The following NCKAP5 variants were observed in gnomAD, a reference collection of about 807,000 sequenced individuals.
NCKAP5 encodes NCK associated protein 5, also known as nck-associated protein 5.
Under a neutral mutation model 167.0 loss-of-function variants are expected in NCKAP5, and 92 were observed. That is an observed-to-expected ratio of 0.55 (90% CI 0.47 to 0.66). The LOEUF is 0.66. Among genes scored for constraint, NCKAP5 ranks in the 30% least tolerant of loss-of-function variants. The pLI, the probability that NCKAP5 is intolerant of heterozygous loss-of-function variation, is 0.00. For missense variants in NCKAP5, 2,378 were observed against 2,315.0 expected (o/e 1.03, Z -0.56); for synonymous variants, 891 against 877.4 (o/e 1.02, Z -0.27).
intron 12 of NCKAP5, 70 bp downstream of exon 12, chr2:132,796,558 G>A (rs1024917323): frequency 9.3e-7 from 1 of 1,070,466 alleles, no homozygotes; most frequent in African/African-American, 1.6e-5. Context: ...TGGTTCGCTT[G>A]TGACATCATA....
intron 3 of NCKAP5, among the ~76,000 whole-genome samples, chr2:133,355,217 C>T (rs1227240352): frequency 6.6e-6 from 1 of 152,098 alleles, no homozygotes; most frequent in East Asian, 1.9e-4. Flanking sequence ...GTAGCCATTG[C>T]CCTAAAGAAA....
At chr2:132,997,386 G>A (rs1346950683) in intron 6 of NCKAP5, among the ~76,000 whole-genome samples, 1 of 152,150 alleles carries the variant, frequency 6.6e-6, no homozygotes. Flanking sequence ...AGCTGAGAAA[G>A]CAGAAGCTGT....
chr2:132,861,224 A>C (rs1689885224), intron 10 of NCKAP5, among the ~76,000 whole-genome samples: 1 of 152,114 alleles, frequency 6.6e-6, no homozygotes, highest in Admixed American at 6.5e-5. Flanking sequence ...GTGCTGGGTA[A>C]GAAGCACACT....
chr2:133,000,238 T>C (rs1056505558), intron 6 of NCKAP5, among the ~76,000 whole-genome samples: 18 of 152,276 alleles, frequency 1.2e-4, no homozygotes, highest in Admixed American at 7.9e-4. Context: ...CTTTGAGAAA[T>C]TGTGTCGATT....
At chr2:133,351,447 T>C (rs1275523655) in intron 3 of NCKAP5, among the ~76,000 whole-genome samples, 1 of 152,142 alleles carries the variant, frequency 6.6e-6, no homozygotes, top group African/African-American at 2.4e-5. Flanking sequence ...ATAGTGTTAA[T>C]AATAAAGTCA....
At chr2:133,562,365 A>G (rs1329804224) in intron 1 of NCKAP5, among the ~76,000 whole-genome samples, 2 of 152,186 alleles carry the variant, frequency 1.3e-5, no homozygotes, top group African/African-American at 4.8e-5. Flanking sequence ...ATTTATGAGC[A>G]TGTATTACTT....
intron 19 of NCKAP5, among the ~76,000 whole-genome samples, chr2:132,679,792 C>G (rs113622340): frequency 2.0e-5 from 3 of 152,220 alleles, no homozygotes; most frequent in African/African-American, 7.2e-5. Context: ...AAGATGGATT[C>G]AGGGAAGAGT....
intron 8 of NCKAP5, among the ~76,000 whole-genome samples, chr2:132,946,020 C>G (rs532081804): frequency 6.6e-6 from 1 of 152,278 alleles, no homozygotes; most frequent in African/African-American, 2.4e-5. Flanking sequence ...AATTCATATT[C>G]GTGTGATATT....
chr2:132,958,794 G>C (rs1434090408), intron 8 of NCKAP5, among the ~76,000 whole-genome samples: 1 of 151,882 alleles, frequency 6.6e-6, no homozygotes, highest in Non-Finnish European at 1.5e-5. Flanking sequence ...CACACAAATG[G>C]CTGATGTCAG....
intron 5 of NCKAP5, among the ~76,000 whole-genome samples, chr2:133,154,366 C>T (rs569464031): frequency 6.6e-6 from 1 of 152,154 alleles, no homozygotes. Flanking sequence ...CTTAAAGCCA[C>T]CTCTGGTGAA....
intron 5 of NCKAP5, among the ~76,000 whole-genome samples, chr2:133,171,795 C>T (rs1458691049): frequency 6.6e-6 from 1 of 152,186 alleles, no homozygotes; most frequent in Admixed American, 6.5e-5. Flanking sequence ...AACTGAGATG[C>T]AGCAACAAGA....
chr2:133,448,852 C>T (rs368737608), intron 3 of NCKAP5, among the ~76,000 whole-genome samples: 3 of 152,216 alleles, frequency 2.0e-5, no homozygotes, highest in East Asian at 3.9e-4. Flanking sequence ...GTTGCCCAGG[C>T]TGGTCTCAAA....
At chr2:133,562,533 G>A (rs76591465) in intron 1 of NCKAP5, among the ~76,000 whole-genome samples, 2,906 of 152,208 alleles carry the variant, frequency 0.019, 82 homozygotes, top group Admixed American at 0.062. Flanking sequence ...CATGCGTCTC[G>A]ACAGTAACAC....
At chr2:133,110,320 A>G (rs1167003662) in intron 6 of NCKAP5, among the ~76,000 whole-genome samples, 2 of 152,204 alleles carry the variant, frequency 1.3e-5, no homozygotes, top group African/African-American at 4.8e-5. Context: ...AGCAAGGGCA[A>G]TAAAGTATTT....
intron 6 of NCKAP5, among the ~76,000 whole-genome samples, chr2:133,089,055 T>G (rs908246551): frequency 3.9e-5 from 6 of 152,170 alleles, no homozygotes; most frequent in African/African-American, 1.2e-4. Flanking sequence ...AAAACAGAGA[T>G]GTGAGAAAAT....
the NCKAP5 span, among the ~76,000 whole-genome samples, chr2:133,597,692 A>C: frequency 7.9e-5 from 12 of 151,160 alleles, no homozygotes; most frequent in African/African-American, 2.7e-4. Context: ...AAAAAAAAAA[A>C]AAAAAAGAAG....
At chr2:133,303,792 C>G (rs139348452) in intron 3 of NCKAP5, among the ~76,000 whole-genome samples, 34 of 152,100 alleles carry the variant, frequency 2.2e-4, no homozygotes, top group Non-Finnish European at 3.2e-4. Context: ...AAAGAATTCA[C>G]GTGTTACATG....
chr2:133,167,466 T>G (rs927059297), intron 5 of NCKAP5, among the ~76,000 whole-genome samples: 1 of 152,166 alleles, frequency 6.6e-6, no homozygotes, highest in Non-Finnish European at 1.5e-5. Context: ...ATATTAATAT[T>G]AACATATTTG....
At chr2:132,935,647 A>C (rs1696784846) in intron 8 of NCKAP5, among the ~76,000 whole-genome samples, 1 of 152,112 alleles carries the variant, frequency 6.6e-6, no homozygotes, top group South Asian at 2.1e-4. Flanking sequence ...GGGGGACTTT[A>C]CTGACCCTTC....
Sources: allele counts gnomAD v4.1 joint callset (sites outside exome capture counted in the v4.1 genomes callset), GRCh38; gene constraint gnomAD v4.1.1; transcripts MANE v1.5; gene names NCBI Gene and HGNC (gene_info 2026-07-23, HGNC 2026-07-21).